Variants in SGK1 observed in about 807,000 individuals in gnomAD.
SGK1 encodes the protein serine/threonine-protein kinase Sgk1.
In SGK1, 26 loss-of-function variants were observed where a neutral mutation model predicts 64.2. The ratio of observed to expected loss-of-function variants is 0.40; its 90% CI spans 0.30 to 0.56. SGK1 has a LOEUF of 0.56. Ranked by LOEUF, SGK1 falls within the 20% of genes least tolerant of loss-of-function variation. The pLI, the probability that SGK1 is intolerant of heterozygous loss-of-function variation, is 0.38. For synonymous variants in SGK1, 265 were observed against 239.7 expected (o/e 1.11, Z -0.98); for missense variants, 519 against 645.6 (o/e 0.80, Z 2.12).
intron 2 of SGK1, among the ~76,000 whole-genome samples, chr6:134,244,381 T>C (rs1467389816): frequency 6.6e-6 from 1 of 152,200 alleles, no homozygotes; most frequent in Non-Finnish European, 1.5e-5. Flanking sequence ...TGATGGGCAT[T>C]TGGGTTGGTT....
intron 2 of SGK1, chr6:134,260,379 C>CCCCG (rs1554225488): frequency 1.4e-5 from 2 of 137,952 alleles, no homozygotes; most frequent in Non-Finnish European, 3.3e-5. Flanking sequence ...CCCCCACCCC[C>CCCCG]CCCAAAAAAA....
intron 2 of SGK1, among the ~76,000 whole-genome samples, chr6:134,248,935 T>C (rs1389482709): frequency 2.0e-5 from 3 of 152,208 alleles, no homozygotes; most frequent in Non-Finnish European, 4.4e-5. Flanking sequence ...ATCTTAATTT[T>C]ATTTTTTTCC....
intron 2 of SGK1, among the ~76,000 whole-genome samples, chr6:134,212,401 CTCTTT>C (rs1281451016): frequency 2.6e-5 from 4 of 152,308 alleles, no homozygotes; most frequent in Admixed American, 2.6e-4. Context: ...GGTCTACTCT[CTCTTT>C]TATGAAATAA....
chr6:134,304,761 C>G (rs1777510680), intron 1 of SGK1, among the ~76,000 whole-genome samples: 3 of 151,782 alleles, frequency 2.0e-5, no homozygotes, highest in South Asian at 4.2e-4. Flanking sequence ...AAAAACAAGG[C>G]AGTTTACAAT....
chr6:134,225,669 T>C (rs540182407), intron 2 of SGK1, among the ~76,000 whole-genome samples: 22 of 152,242 alleles, frequency 1.4e-4, no homozygotes, highest in African/African-American at 5.3e-4. Context: ...AAGGACTGAG[T>C]GCTCTCAGTA....
chr6:134,244,015 A>G (rs990982976), intron 2 of SGK1, among the ~76,000 whole-genome samples: 6 of 152,168 alleles, frequency 3.9e-5, no homozygotes, highest in African/African-American at 1.4e-4. Context: ...CCTGGGATAC[A>G]TGTGCAGAAC....
At chr6:134,312,559 C>T (rs1302830030) in intron 1 of SGK1, among the ~76,000 whole-genome samples, 4 of 152,206 alleles carry the variant, frequency 2.6e-5, no homozygotes, top group South Asian at 2.1e-4. Context: ...CTTCTCTGAA[C>T]TTCACCCTGG....
chr6:134,297,351 G>A, intron 1 of SGK1: 2 of 1,007,720 alleles, frequency 2.0e-6, no homozygotes, highest in Non-Finnish European at 3.1e-6. Flanking sequence ...CTGCAGGGCG[G>A]CCTCCAGCTC....
At chr6:134,283,118 C>G (rs1393071862) in intron 1 of SGK1, 2 of 152,320 alleles carry the variant, frequency 1.3e-5, no homozygotes, top group African/African-American at 4.9e-5. Flanking sequence ...ATGGTGTTTA[C>G]AACTGATTGA....
chr6:134,196,736 T>A (rs2114671760), intron 3 of SGK1, among the ~76,000 whole-genome samples: 1 of 152,302 alleles, frequency 6.6e-6, no homozygotes, highest in African/African-American at 2.4e-5. Context: ...AAATTGATTT[T>A]TAAAACTTCG....
At chr6:134,176,611 T>C (rs1243556047) in intron 3 of SGK1, among the ~76,000 whole-genome samples, 1 of 152,160 alleles carries the variant, frequency 6.6e-6, no homozygotes. Context: ...TCGCTGTTGC[T>C]GTCTGCGGTG....
intron 1 of SGK1, among the ~76,000 whole-genome samples, chr6:134,300,400 G>A (rs1400940605): frequency 1.3e-5 from 2 of 151,408 alleles, no homozygotes; most frequent in African/African-American, 2.4e-5. Flanking sequence ...TTAGCCAGGC[G>A]TGTGGCGGGC....
chr6:134,252,055 C>A (rs573782679), intron 2 of SGK1, among the ~76,000 whole-genome samples: 19 of 152,312 alleles, frequency 1.2e-4, no homozygotes, highest in African/African-American at 4.3e-4. Context: ...CCATGCCCAG[C>A]TAAATTATGT....
intron 2 of SGK1, among the ~76,000 whole-genome samples, chr6:134,233,520 C>T (rs1776320506): frequency 6.6e-6 from 1 of 152,208 alleles, no homozygotes; most frequent in Admixed American, 6.5e-5. Flanking sequence ...CTATGTTGAA[C>T]TTGTCAAAGA....
At chr6:134,174,459 G>A (rs55758956) in intron 4 of SGK1, 52 bp downstream of exon 4, 1 of 1,358,502 alleles carries the variant, frequency 7.4e-7, no homozygotes, top group Non-Finnish European at 1.0e-6. Context: ...AATGTTTACC[G>A]CTGGCAAATT....
At chr6:134,273,945 C>T (rs905970490) in intron 1 of SGK1, among the ~76,000 whole-genome samples, 7 of 152,074 alleles carry the variant, frequency 4.6e-5, no homozygotes, top group Non-Finnish European at 1.0e-4. Context: ...AAGCATGAGC[C>T]GCTGCACCCA....
intron 1 of SGK1, among the ~76,000 whole-genome samples, chr6:134,306,161 G>A (rs375115006): frequency 3.3e-5 from 5 of 152,274 alleles, no homozygotes; most frequent in East Asian, 1.9e-4. Context: ...GGCTCAAAGT[G>A]CCTGTAATCT....
At chr6:134,252,479 C>T (rs890449511) in intron 2 of SGK1, among the ~76,000 whole-genome samples, 10 of 152,130 alleles carry the variant, frequency 6.6e-5, no homozygotes, top group African/African-American at 9.6e-5. Context: ...TTTCAGCTAA[C>T]GTAGACATTC....
At chr6:134,248,616 T>C (rs1382749381) in intron 2 of SGK1, among the ~76,000 whole-genome samples, 1 of 151,958 alleles carries the variant, frequency 6.6e-6, no homozygotes, top group South Asian at 2.1e-4. Context: ...GACGCCCAGA[T>C]AGTTTTTATA....
Sources: gnomAD v4.1 joint callset for allele counts (sites outside exome capture counted in the v4.1 genomes callset) on GRCh38, gnomAD v4.1.1 for gene constraint, MANE v1.5 for transcripts, NCBI Gene and HGNC (gene_info 2026-07-23, HGNC 2026-07-21) for gene names.